CTNNA3: variants seen among roughly 807,000 people sequenced by gnomAD.
CTNNA3 encodes catenin alpha-3.
CTNNA3 carries 76 observed loss-of-function variants against 95.7 expected under a neutral mutation model. The observed-to-expected ratio is 0.79, with a 90% CI of 0.66 to 0.96. The LOEUF (loss-of-function observed/expected upper bound fraction) is 0.96. Ranked by LOEUF, CTNNA3 falls within the 40% of genes least tolerant of loss-of-function variation. CTNNA3 has a pLI of 0.00. For synonymous variants in CTNNA3, 431 were observed against 374.4 expected (o/e 1.15, Z -1.74); for missense variants, 1,191 against 1,089.8 (o/e 1.09, Z -1.31).
At chr10:67,029,676 TAA>T (rs1853601630) in intron 7 of CTNNA3, among the ~76,000 whole-genome samples, 1 of 152,210 alleles carries the variant, frequency 6.6e-6, no homozygotes, top group Non-Finnish European at 1.5e-5. Flanking sequence ...CCAAAAGACT[TAA>T]GTGTGGCTCT....
Position 66,032,212 on chromosome 10 carries a change from A to T in CTNNA3, c.2159+37096T>A, listed in dbSNP as rs183954411. Among the ~76,000 whole-genome samples the T allele has an allele frequency of 9.0e-3, 1,368 of 152,054 alleles. 26 individuals carry two copies. The highest frequency in any genetic ancestry group is 0.031 in the African/African-American group (1,303 of 41,530). On this transcript the variant is annotated intron_variant, in intron 15 of 17. Coordinates refer to ENST00000433211, the MANE Select transcript of CTNNA3 (RefSeq NM_013266.4). The stretch of plus-strand genomic sequence containing the variant: ...GCACAATATTTCTTTGATTTTTTTA[A>T]AAAAATTATTTGAAAAGTAAATGGC...
chr10:66,698,759 G>A (rs1285062333), intron 9 of CTNNA3, among the ~76,000 whole-genome samples: 1 of 152,160 alleles, frequency 6.6e-6, no homozygotes, highest in Non-Finnish European at 1.5e-5. Flanking sequence ...GCAACTTAGA[G>A]ATAGGGCTAT....
chr10:67,693,927 A>G (rs1840915870), intron 1 of CTNNA3, among the ~76,000 whole-genome samples: 1 of 152,182 alleles, frequency 6.6e-6, no homozygotes, highest in Non-Finnish European at 1.5e-5. Context: ...CCCAATACTG[A>G]ATTGCTCCTC....
At chr10:66,268,906 A>G (rs953237484) in intron 13 of CTNNA3, among the ~76,000 whole-genome samples, 2 of 152,204 alleles carry the variant, frequency 1.3e-5, no homozygotes, top group Non-Finnish European at 2.9e-5. Flanking sequence ...ATACTGAATC[A>G]TTGAGTCACT....
At chr10:66,652,041 GAC>G (rs1845925456) in intron 9 of CTNNA3, among the ~76,000 whole-genome samples, 1 of 140,098 alleles carries the variant, frequency 7.1e-6, no homozygotes, top group African/African-American at 2.6e-5. Flanking sequence ...TATAGCAATA[GAC>G]ACCCATAATA....
chr10:67,697,044 T>A (rs1840978325), upstream of CTNNA3, among the ~76,000 whole-genome samples: 1 of 152,230 alleles, frequency 6.6e-6, no homozygotes, highest in African/African-American at 2.4e-5. Flanking sequence ...GCTCTCCAGA[T>A]ACTCTTAGCA....
At chr10:66,262,067 A>C (rs773452080) in intron 13 of CTNNA3, among the ~76,000 whole-genome samples, 4 of 152,012 alleles carry the variant, frequency 2.6e-5, no homozygotes, top group East Asian at 1.9e-4. Flanking sequence ...GGCAAAAAAA[A>C]CCTATTATGG....
chr10:66,516,177 TTGAC>T, intron 11 of CTNNA3, among the ~76,000 whole-genome samples: 1 of 152,200 alleles, frequency 6.6e-6, no homozygotes, highest in Admixed American at 6.5e-5. Context: ...TCTCTTTTGT[TTGAC>T]TGGGAAAATT....
intron 13 of CTNNA3, among the ~76,000 whole-genome samples, chr10:66,164,164 T>G (rs576139536): frequency 1.3e-5 from 2 of 152,304 alleles, no homozygotes; most frequent in East Asian, 3.9e-4. Context: ...AATTTGTCTG[T>G]AACCAAAAAT....
intron 1 of CTNNA3, among the ~76,000 whole-genome samples, chr10:67,656,893 C>T (rs1169298783): frequency 6.6e-6 from 1 of 152,118 alleles, no homozygotes; most frequent in Non-Finnish European, 1.5e-5. Context: ...AGAACTATTG[C>T]AGATGTTTGA....
chr10:66,693,271 T>C (rs368992676), intron 9 of CTNNA3, among the ~76,000 whole-genome samples: 24,729 of 148,070 alleles, frequency 0.17, 2,637 homozygotes, highest in East Asian at 0.32. Flanking sequence ...GGAAGATCTA[T>C]CAAGCAAATG....
At chr10:66,860,009 A>C (rs1589345079) in intron 7 of CTNNA3, among the ~76,000 whole-genome samples, 1 of 103,828 alleles carries the variant, frequency 9.6e-6, no homozygotes, top group Non-Finnish European at 1.9e-5. Flanking sequence ...CACTCTGGGG[A>C]CTGTTGTGGG....
chr10:67,437,534 A>T (rs957011774), intron 5 of CTNNA3, among the ~76,000 whole-genome samples: 1 of 152,126 alleles, frequency 6.6e-6, no homozygotes, highest in Non-Finnish European at 1.5e-5. Flanking sequence ...TATAAAAATT[A>T]CACAAAAAAA....
At chr10:67,174,856 T>C (rs987656797) in intron 7 of CTNNA3, among the ~76,000 whole-genome samples, 4 of 152,178 alleles carry the variant, frequency 2.6e-5, no homozygotes, top group African/African-American at 4.8e-5. Context: ...GTTTTTGGCA[T>C]ATCCACTCTT....
chr10:66,177,547 C>T (rs189337118), intron 13 of CTNNA3, among the ~76,000 whole-genome samples: 13 of 151,806 alleles, frequency 8.6e-5, no homozygotes, highest in Admixed American at 2.0e-4. Flanking sequence ...CGATAAAAAG[C>T]GATTTTGTTA....
chr10:66,831,422 A>G (rs2132321128), intron 7 of CTNNA3, among the ~76,000 whole-genome samples: 1 of 152,274 alleles, frequency 6.6e-6, no homozygotes, highest in South Asian at 2.1e-4. Context: ...CTCTCTGTCT[A>G]GAACATTTCC....
chr10:66,541,466 T>A (rs749955863), intron 10 of CTNNA3, among the ~76,000 whole-genome samples: 1 of 152,164 alleles, frequency 6.6e-6, no homozygotes, highest in Non-Finnish European at 1.5e-5. Flanking sequence ...CTTCCATATA[T>A]GATTAAAATC....
intron 13 of CTNNA3, among the ~76,000 whole-genome samples, chr10:66,188,943 CGTT>C (rs2086498065): frequency 6.6e-6 from 1 of 151,990 alleles, no homozygotes; most frequent in East Asian, 1.9e-4. Context: ...GGTAATATCT[CGTT>C]GTGGTGTTGA....
chr10:66,101,331 A>G (rs2081620856), intron 14 of CTNNA3, among the ~76,000 whole-genome samples: 1 of 152,188 alleles, frequency 6.6e-6, no homozygotes, highest in South Asian at 2.1e-4. Context: ...ATTTCCCAAT[A>G]TATTACCAAA....
Sources: allele counts gnomAD v4.1 joint callset (sites outside exome capture counted in the v4.1 genomes callset), GRCh38; gene constraint gnomAD v4.1.1; transcripts MANE v1.5; gene names NCBI Gene and HGNC (gene_info 2026-07-23, HGNC 2026-07-21).